Variants in IMMP2L observed in about 807,000 individuals in gnomAD.
The protein encoded by IMMP2L is inner mitochondrial membrane peptidase subunit 2.
In IMMP2L, 18 loss-of-function variants were observed where a neutral mutation model predicts 19.3. The ratio of observed to expected loss-of-function variants is 0.93; its 90% confidence interval spans 0.64 to 1.38. The LOEUF is 1.38. IMMP2L is among the 40% of genes most tolerant of loss of function. IMMP2L has a pLI of 0.00. For synonymous variants in IMMP2L, 76 were observed against 73.0 expected (o/e 1.04, Z -0.21); for missense variants, 233 against 218.2 (o/e 1.07, Z -0.43).
intron 5 of IMMP2L, among the ~76,000 whole-genome samples, chr7:110,737,254 A>C (rs1379912886): frequency 2.0e-5 from 3 of 152,098 alleles, no homozygotes; most frequent in African/African-American, 4.8e-5. Context: ...TTAATTTCTC[A>C]ATGGGGAGGT....
intron 5 of IMMP2L, among the ~76,000 whole-genome samples, chr7:110,850,359 C>A (rs936804447): frequency 1.3e-5 from 2 of 152,116 alleles, no homozygotes; most frequent in Admixed American, 6.6e-5. Flanking sequence ...CCACCTTTCT[C>A]CATGACAATG....
At chr7:111,196,620 G>A (rs1057018023) in intron 3 of IMMP2L, among the ~76,000 whole-genome samples, 1 of 152,024 alleles carries the variant, frequency 6.6e-6, no homozygotes, top group South Asian at 2.1e-4. Context: ...GGAGAAACAG[G>A]AAGAAACAAA....
intron 3 of IMMP2L, among the ~76,000 whole-genome samples, chr7:111,281,192 AAGAAAGAAAGAAAGAAAGAAAGAAAAAG>A (rs1563004651): frequency 5.2e-5 from 3 of 57,416 alleles, no homozygotes; most frequent in Admixed American, 3.9e-4. Context: ...GAAAGAAAGA[AAGAAAGAAAGAAAGAAAGAAAGAAAAAG>A]AAAGAAAGAA....
chr7:111,147,105 G>C (rs929467045), intron 3 of IMMP2L, among the ~76,000 whole-genome samples: 1 of 151,918 alleles, frequency 6.6e-6, no homozygotes, highest in Admixed American at 6.6e-5. Flanking sequence ...TCTTGTTTTA[G>C]AGACTCAATA....
intron 3 of IMMP2L, among the ~76,000 whole-genome samples, chr7:111,256,711 T>C (rs1816738198): frequency 6.6e-6 from 1 of 152,036 alleles, no homozygotes. Context: ...TAAGATTGAG[T>C]ACCCCAAAGG....
chr7:111,050,107 T>G (rs1419840032), intron 3 of IMMP2L, among the ~76,000 whole-genome samples: 1 of 152,206 alleles, frequency 6.6e-6, no homozygotes, highest in African/African-American at 2.4e-5. Flanking sequence ...TAAAGTAAAA[T>G]GATTGTGCTC....
intron 5 of IMMP2L, among the ~76,000 whole-genome samples, chr7:110,861,983 T>C (rs1189990473): frequency 6.6e-6 from 1 of 152,070 alleles, no homozygotes; most frequent in Non-Finnish European, 1.5e-5. Context: ...ATGACCTGCA[T>C]GGTTTATTTA....
intron 3 of IMMP2L, among the ~76,000 whole-genome samples, chr7:111,146,580 T>A (rs1256430642): frequency 6.6e-6 from 1 of 152,046 alleles, no homozygotes; most frequent in Non-Finnish European, 1.5e-5. Flanking sequence ...TAATATTAAA[T>A]GTTGCACAGA....
At chr7:110,902,728 T>TCCCGG (rs1812023292) in intron 4 of IMMP2L, among the ~76,000 whole-genome samples, 1 of 40,184 alleles carries the variant, frequency 2.5e-5, no homozygotes, top group Admixed American at 2.4e-4. Flanking sequence ...ATCGAGACCA[T>TCCCGG]CCCGGCTAAA....
intron 3 of IMMP2L, among the ~76,000 whole-genome samples, chr7:111,064,921 A>G (rs1301010439): frequency 6.6e-6 from 1 of 152,170 alleles, no homozygotes; most frequent in Non-Finnish European, 1.5e-5. Flanking sequence ...GTTCAATGAG[A>G]AACTACAACA....
chr7:110,946,093 T>C (rs1324490882), intron 4 of IMMP2L, among the ~76,000 whole-genome samples: 1 of 152,156 alleles, frequency 6.6e-6, no homozygotes, highest in East Asian at 1.9e-4. Flanking sequence ...GAAAACAGGT[T>C]CTCAAATTTC....
intron 3 of IMMP2L, among the ~76,000 whole-genome samples, chr7:111,448,385 G>A (rs1274598117): frequency 6.6e-6 from 1 of 151,466 alleles, no homozygotes; most frequent in Non-Finnish European, 1.5e-5. Context: ...AATCAAACTA[G>A]AACTCAGGAT....
chr7:111,382,311 G>C (rs2131235457), intron 3 of IMMP2L, among the ~76,000 whole-genome samples: 1 of 151,260 alleles, frequency 6.6e-6, no homozygotes, highest in South Asian at 2.1e-4. Flanking sequence ...CAAAAGAAAA[G>C]TACATAATTT....
chr7:110,950,841 C>CATATATATATATATATATATAT (rs34797718), intron 4 of IMMP2L, among the ~76,000 whole-genome samples: 38 of 100,578 alleles, frequency 3.8e-4, no homozygotes, highest in South Asian at 1.3e-3. Flanking sequence ...CAAAATGTGG[C>CATATATATATATATATATATAT]ATATATATAT....
intron 3 of IMMP2L, among the ~76,000 whole-genome samples, chr7:111,182,652 G>T (rs1807836862): frequency 6.6e-6 from 1 of 151,658 alleles, no homozygotes; most frequent in African/African-American, 2.4e-5. Flanking sequence ...AGTCAATCAC[G>T]TTTCTCAGAG....
At chr7:111,035,031 T>C (rs1008533724) in intron 3 of IMMP2L, among the ~76,000 whole-genome samples, 2 of 152,168 alleles carry the variant, frequency 1.3e-5, no homozygotes, top group Non-Finnish European at 2.9e-5. Context: ...TTAAATCATT[T>C]TCTCAATCGA....
chr7:110,695,677 C>T (rs1222420538), intron 5 of IMMP2L, among the ~76,000 whole-genome samples: 1 of 152,106 alleles, frequency 6.6e-6, no homozygotes, highest in Non-Finnish European at 1.5e-5. Flanking sequence ...GGATATGCTT[C>T]TAGAACAGCC....
intron 3 of IMMP2L, among the ~76,000 whole-genome samples, chr7:111,319,983 A>G (rs1330585323): frequency 2.0e-5 from 3 of 151,986 alleles, no homozygotes; most frequent in Non-Finnish European, 4.4e-5. Context: ...CTTGTTAACT[A>G]TTCATTACTG....
At chr7:110,768,195 C>G (rs1359679591) in intron 5 of IMMP2L, among the ~76,000 whole-genome samples, 1 of 125,628 alleles carries the variant, frequency 8.0e-6, no homozygotes, top group Non-Finnish European at 1.6e-5. Flanking sequence ...TGACATTTGA[C>G]TAGATCTAGA....
Sources: allele counts gnomAD v4.1 joint callset (sites outside exome capture counted in the v4.1 genomes callset), GRCh38; gene constraint gnomAD v4.1.1; transcripts MANE v1.5; gene names NCBI Gene and HGNC (gene_info 2026-07-23, HGNC 2026-07-21).